Variants in KCNMA1 observed in about 807,000 individuals in gnomAD.
KCNMA1 encodes Calcium-activated potassium channel subunit alpha-1.
In KCNMA1, 29 loss-of-function variants were observed where a neutral mutation model predicts 140.0. The ratio of observed to expected loss-of-function variants is 0.21; its 90% CI spans 0.15 to 0.28. The LOEUF is 0.28. Among genes scored for constraint, KCNMA1 ranks in the 10% least tolerant of loss-of-function variants. The pLI, the probability that KCNMA1 is intolerant of heterozygous loss-of-function variation, is 1.00. For synonymous variants in KCNMA1, 612 were observed against 611.9 expected (o/e 1.00, Z 0.00); for missense variants, 880 against 1,602.2 (o/e 0.55, Z 7.70).
chr10:77,267,819 T>C (rs1044700176), intron 2 of KCNMA1, among the ~76,000 whole-genome samples: 1 of 152,202 alleles, frequency 6.6e-6, no homozygotes, highest in Non-Finnish European at 1.5e-5. Context: ...CTGCTGCATG[T>C]GGCACTGAGC....
intron 2 of KCNMA1, among the ~76,000 whole-genome samples, chr10:77,277,364 G>C (rs2066965362): frequency 6.6e-6 from 1 of 152,254 alleles, no homozygotes; most frequent in East Asian, 1.9e-4. Context: ...GCTTTTCCAC[G>C]ATGGGTCTGG....
chr10:76,928,287 G>A (rs573101985), intron 23 of KCNMA1, among the ~76,000 whole-genome samples: 138 of 77,316 alleles, frequency 1.8e-3, no homozygotes, highest in African/African-American at 4.6e-3. Context: ...GAACACGCGC[G>A]CGCACACACA....
intron 20 of KCNMA1, 82 bp downstream of exon 20, chr10:76,969,892 G>C: frequency 2.7e-6 from 3 of 1,113,774 alleles, no homozygotes; most frequent in Non-Finnish European, 4.1e-6. Context: ...GGAGACTCTG[G>C]GCCTGGCAGG....
At chr10:77,053,408 C>G (rs1486945854) in intron 14 of KCNMA1, among the ~76,000 whole-genome samples, 1 of 152,192 alleles carries the variant, frequency 6.6e-6, no homozygotes, top group Non-Finnish European at 1.5e-5. Context: ...TCTCACCTAT[C>G]CATGCAGACA....
chr10:77,372,263 TTTGTTTCCTGTTTTGCC>T (rs2094786974), intron 2 of KCNMA1, among the ~76,000 whole-genome samples: 2 of 152,304 alleles, frequency 1.3e-5, no homozygotes, highest in African/African-American at 4.8e-5. Context: ...AGGACTAGAA[TTTGTTTCCTGTTTTGCC>T]CACGATTGTT....
rs2095654006 is a variant in KCNMA1, at chr10:77,059,299, C to A, written c.1749+13798G>T. 2.0e-5 allele frequency among the ~76,000 whole-genome samples: 3 copies of A among 151,738 alleles called. No homozygotes were observed. The South Asian group carries it at 6.2e-4, about 32-fold the overall frequency. ...AAATATTTAAAGAAAAAAAAATCAC[C>A]AATTCTACACAATTTCTCCCAGAAA... is the stretch of plus-strand genomic sequence containing the variant. On this transcript the variant is annotated intron_variant, in intron 14 of 27. Coordinates refer to ENST00000286628, the MANE Select transcript of KCNMA1 (RefSeq NM_001161352.2).
chr10:77,294,809 C>T (rs1024591054), intron 2 of KCNMA1, among the ~76,000 whole-genome samples: 5 of 151,964 alleles, frequency 3.3e-5, no homozygotes, highest in Admixed American at 2.6e-4. Flanking sequence ...ATCCCCTCTA[C>T]TTGGGAGGCT....
intron 2 of KCNMA1, among the ~76,000 whole-genome samples, chr10:77,301,541 C>G (rs1391680357): frequency 6.6e-6 from 1 of 151,906 alleles, no homozygotes; most frequent in Non-Finnish European, 1.5e-5. Flanking sequence ...TGCATCCATA[C>G]CAAGCTCTTT....
At chr10:77,473,937 C>T (rs1288701141) in intron 1 of KCNMA1, among the ~76,000 whole-genome samples, 1 of 152,230 alleles carries the variant, frequency 6.6e-6, no homozygotes, top group Non-Finnish European at 1.5e-5. Context: ...TAGCTCCCCG[C>T]TCAGCCTCGC....
At chr10:77,521,456 G>A (rs2053356787) in intron 1 of KCNMA1, among the ~76,000 whole-genome samples, 1 of 152,202 alleles carries the variant, frequency 6.6e-6, no homozygotes, top group African/African-American at 2.4e-5. Context: ...GGAAGCTTGG[G>A]CTTCAATCCC....
At chr10:77,463,950 T>A (rs1296337801) in intron 1 of KCNMA1, among the ~76,000 whole-genome samples, 1 of 152,154 alleles carries the variant, frequency 6.6e-6, no homozygotes, top group Non-Finnish European at 1.5e-5. Flanking sequence ...CTATTCCAAG[T>A]AAGCTCCAGA....
intron 2 of KCNMA1, among the ~76,000 whole-genome samples, chr10:77,318,848 C>A (rs1161508339): frequency 1.3e-5 from 2 of 152,114 alleles, no homozygotes; most frequent in Non-Finnish European, 2.9e-5. Context: ...GCTTAGAAGT[C>A]AAGATTGGAT....
chr10:77,637,557 A>C lies in KCNMA1; in HGVS notation c.86T>G (p.Ile29Ser). Residue 29 changes from isoleucine to serine, a missense_variant, in exon 1 of 28, where the codon ATC (isoleucine) becomes AGC (serine). Ile to Ser is a moderately radical substitution (Grantham distance 142, BLOSUM62 -2). Coordinates refer to ENST00000286628, the MANE Select transcript of KCNMA1 (RefSeq NM_001161352.2). ...GGSSLRMSSNIHANHLSLDAS... is the reference protein window; with the variant it reads ...GGSSLRMSSNSHANHLSLDAS... ...GTCTAGGCTGAGATGGTTCGCGTGG[A>C]TATTGCTACTCATTCTAAGACTGCT... The C allele has an allele frequency of 6.5e-7, 1 of 1,543,194 alleles. No individual in the cohort carries two copies.
intron 3 of KCNMA1, among the ~76,000 whole-genome samples, chr10:77,202,324 C>A (rs558846183): frequency 1.3e-5 from 2 of 152,190 alleles, no homozygotes; most frequent in Non-Finnish European, 1.5e-5. Flanking sequence ...TTCTCAGAGA[C>A]AATCCCCCAA....
At chr10:77,297,494 T>C (rs1038780718) in intron 2 of KCNMA1, among the ~76,000 whole-genome samples, 3 of 152,226 alleles carry the variant, frequency 2.0e-5, no homozygotes, top group Non-Finnish European at 2.9e-5. Flanking sequence ...TCCATGGTTG[T>C]CATGCATGGT....
At chr10:76,986,757 G>C (rs1466144123) in intron 19 of KCNMA1, among the ~76,000 whole-genome samples, 2 of 152,176 alleles carry the variant, frequency 1.3e-5, no homozygotes, top group African/African-American at 2.4e-5. Flanking sequence ...AGGAAACATA[G>C]GTGGATGAAC....
chr10:77,479,541 T>A (rs2154531054), intron 1 of KCNMA1, among the ~76,000 whole-genome samples: 2 of 151,996 alleles, frequency 1.3e-5, no homozygotes, highest in Middle Eastern at 6.8e-3. Context: ...CACAGTGAGG[T>A]TTTTCCCCTT....
At chr10:77,006,885 A>AATTTTTG (rs1463336309) in intron 18 of KCNMA1, among the ~76,000 whole-genome samples, 1 of 152,204 alleles carries the variant, frequency 6.6e-6, no homozygotes, top group African/African-American at 2.4e-5. Flanking sequence ...TTTTGGCAAG[A>AATTTTTG]CTGTGCATTG....
At chr10:76,901,212 A>G (rs1212655038) in intron 25 of KCNMA1, 1 of 152,216 alleles carries the variant, frequency 6.6e-6, no homozygotes, top group Non-Finnish European at 1.5e-5. Flanking sequence ...ATCCATTTAG[A>G]AGGAAAGACA....
Sources: allele counts gnomAD v4.1 joint callset (sites outside exome capture counted in the v4.1 genomes callset), GRCh38; gene constraint gnomAD v4.1.1; transcripts MANE v1.5; gene names NCBI Gene and HGNC (gene_info 2026-07-23, HGNC 2026-07-21).